TUSC3: variants seen among roughly 807,000 people sequenced by gnomAD.
TUSC3 encodes tumor suppressor candidate 3, also known as dolichyl-diphosphooligosaccharide--protein glycosyltransferase subunit TUSC3.
In TUSC3, 45 loss-of-function variants were observed where a neutral mutation model predicts 44.8. The ratio of observed to expected loss-of-function variants is 1.00; its 90% CI spans 0.79 to 1.29. TUSC3 has a LOEUF of 1.29. TUSC3 is among the 50% of genes most tolerant of loss of function. The pLI is 0.00. For missense variants in TUSC3, 519 were observed against 437.9 expected (o/e 1.19, Z -1.65); for synonymous variants, 212 against 152.9 (o/e 1.39, Z -2.85).
At chr8:15,545,590 G>T (rs181379512) in intron 1 of TUSC3, among the ~76,000 whole-genome samples, 19 of 151,804 alleles carry the variant, frequency 1.3e-4, no homozygotes, top group Admixed American at 1.2e-3. Flanking sequence ...GGAATTGTCT[G>T]TCCACGTAAG....
At chr8:15,437,663 G>C (rs934997219) in intron 1 of TUSC3, among the ~76,000 whole-genome samples, 1 of 152,168 alleles carries the variant, frequency 6.6e-6, no homozygotes, top group Admixed American at 6.5e-5. Flanking sequence ...ACTAAAAGTA[G>C]GACTCGCTTT....
chr8:15,719,996 A>G (rs1455885927), intron 6 of TUSC3, among the ~76,000 whole-genome samples: 2 of 152,012 alleles, frequency 1.3e-5, no homozygotes, highest in Non-Finnish European at 2.9e-5. Flanking sequence ...ACAGCTAACT[A>G]TAACATCAAA....
At chr8:15,758,305 A>T in intron 10 of TUSC3, 1 of 953,024 alleles carries the variant, frequency 1.0e-6, no homozygotes, top group Non-Finnish European at 1.2e-6. Context: ...ACTTTTTTAA[A>T]ATCAACATTT....
At chr8:15,714,052 C>T (rs1809967534) in intron 6 of TUSC3, among the ~76,000 whole-genome samples, 1 of 152,168 alleles carries the variant, frequency 6.6e-6, no homozygotes, top group African/African-American at 2.4e-5. Context: ...ATTGAAGCTA[C>T]AGACGTCTTA....
downstream of TUSC3, among the ~76,000 whole-genome samples, chr8:15,767,724 C>A (rs1230215427): frequency 6.6e-6 from 1 of 152,016 alleles, no homozygotes; most frequent in South Asian, 2.1e-4. Context: ...AGGGTCTTGC[C>A]TTCGGTTGAC....
chr8:15,597,768 A>G (rs1804129816), intron 1 of TUSC3, among the ~76,000 whole-genome samples: 1 of 152,092 alleles, frequency 6.6e-6, no homozygotes, highest in East Asian at 1.9e-4. Context: ...CATATGGCTA[A>G]GTCTTAATTT....
intron 1 of TUSC3, among the ~76,000 whole-genome samples, chr8:15,586,207 G>A (rs938140456): frequency 6.6e-6 from 1 of 152,160 alleles, no homozygotes; most frequent in Non-Finnish European, 1.5e-5. Context: ...TAAGTCAGTA[G>A]TGACTGTGAA....
At chr8:15,521,037 A>G (rs1028718388) in intron 2 of TUSC3, among the ~76,000 whole-genome samples, 1 of 152,202 alleles carries the variant, frequency 6.6e-6, no homozygotes, top group Non-Finnish European at 1.5e-5. Flanking sequence ...GGGACCAAAC[A>G]TTGAGTCCAG....
At chr8:15,517,984 A>G (rs897555004) in intron 2 of TUSC3, among the ~76,000 whole-genome samples, 1 of 56,834 alleles carries the variant, frequency 1.8e-5, no homozygotes, top group Non-Finnish European at 4.1e-5. Flanking sequence ...AAGAACAAAC[A>G]AAAAAAAACC....
chr8:15,691,820 C>G (rs967115748), intron 6 of TUSC3, among the ~76,000 whole-genome samples: 1 of 151,844 alleles, frequency 6.6e-6, no homozygotes, highest in African/African-American at 2.4e-5. Context: ...GCTCTGTTGC[C>G]TAGGCTGGAG....
intron 6 of TUSC3, among the ~76,000 whole-genome samples, chr8:15,728,134 CA>C (rs1440200683): frequency 6.6e-6 from 1 of 152,066 alleles, no homozygotes; most frequent in Non-Finnish European, 1.5e-5. Flanking sequence ...ACTGGAAATA[CA>C]AAATGCATTA....
At chr8:15,753,576 A>T (rs1811797385) in intron 9 of TUSC3, among the ~76,000 whole-genome samples, 1 of 152,122 alleles carries the variant, frequency 6.6e-6, no homozygotes, top group South Asian at 2.1e-4. Context: ...TAGCACATGT[A>T]TATGTGCTAA....
intron 2 of TUSC3, among the ~76,000 whole-genome samples, chr8:15,514,551 C>T (rs1303513862): frequency 6.6e-6 from 1 of 152,208 alleles, no homozygotes; most frequent in Non-Finnish European, 1.5e-5. Flanking sequence ...AACTCCGCTT[C>T]TTCACAGCCC....
At chr8:15,534,331 T>C (rs149024495) in intron 2 of TUSC3, among the ~76,000 whole-genome samples, 1 of 152,160 alleles carries the variant, frequency 6.6e-6, no homozygotes, top group East Asian at 1.9e-4. Flanking sequence ...AAATTTCTCA[T>C]GGTTAAAATA....
chr8:15,846,899 C>A, the TUSC3 span, among the ~76,000 whole-genome samples: 1 of 149,508 alleles, frequency 6.7e-6, no homozygotes, highest in Non-Finnish European at 1.5e-5. Flanking sequence ...AACACACACA[C>A]AATTTAAGCC....
chr8:15,628,944 G>T (rs3788997), intron 2 of TUSC3, among the ~76,000 whole-genome samples: 14,941 of 152,216 alleles, frequency 0.098, 1,599 homozygotes, highest in African/African-American at 0.27. Flanking sequence ...ATGAGGGTCA[G>T]AGGAAGCTAG....
intron 1 of TUSC3, among the ~76,000 whole-genome samples, chr8:15,431,934 T>G (rs1585785981): frequency 7.4e-6 from 1 of 135,030 alleles, no homozygotes. Context: ...TCACATTTAT[T>G]TATGTTGCAC....
At chr8:15,705,648 A>T (rs985025322) in intron 6 of TUSC3, among the ~76,000 whole-genome samples, 2 of 152,030 alleles carry the variant, frequency 1.3e-5, no homozygotes, top group Non-Finnish European at 1.5e-5. Flanking sequence ...GCATGGCCCT[A>T]TGTGATAGAG....
intron 6 of TUSC3, among the ~76,000 whole-genome samples, chr8:15,727,484 A>G (rs1810543812): frequency 6.6e-6 from 1 of 152,150 alleles, no homozygotes; most frequent in African/African-American, 2.4e-5. Flanking sequence ...GGTGCCTGAT[A>G]CATACTAATT....
Sources: allele counts gnomAD v4.1 joint callset (sites outside exome capture counted in the v4.1 genomes callset), GRCh38; gene constraint gnomAD v4.1.1; transcripts MANE v1.5; gene names NCBI Gene and HGNC (gene_info 2026-07-23, HGNC 2026-07-21).